The following CES1 variants were observed in gnomAD, a reference collection of about 807,000 sequenced individuals.
The protein encoded by CES1 is carboxylesterase 1, also known as liver carboxylesterase 1.
A neutral mutation model predicts 53.0 loss-of-function variants in CES1; 50 were observed. The observed-to-expected ratio is 0.94, with a 90% CI of 0.75 to 1.19. The LOEUF (loss-of-function observed/expected upper bound fraction) is 1.19. Among genes scored for constraint, CES1 ranks in the 50% most tolerant of loss-of-function variants. The pLI, the probability that CES1 is intolerant of heterozygous loss-of-function variation, is 0.00. For synonymous variants in CES1, 202 were observed against 210.1 expected, an observed-to-expected ratio of 0.96 and a Z score of 0.33; for missense variants, 534 against 538.0, an observed-to-expected ratio of 0.99 and a Z score of 0.07.
chr16:55,813,298 T>C (rs1385805723), intron 8 of CES1, among the ~76,000 whole-genome samples: 1 of 152,228 alleles, frequency 6.6e-6, no homozygotes, highest in Non-Finnish European at 1.5e-5. Flanking sequence ...GTATTATCTA[T>C]GTAAAATTAC....
chr16:55,831,841 G>A (rs13330219), intron 1 of CES1, among the ~76,000 whole-genome samples: 12,557 of 147,628 alleles, frequency 0.085, 53 homozygotes, highest in African/African-American at 0.16. Flanking sequence ...GTTGACCCTG[G>A]GCAAGTACAT....
At chr16:55,810,406 T>C (rs1266422993) in intron 11 of CES1, 111 bp downstream of exon 11, 1 of 1,412,302 alleles carries the variant, frequency 7.1e-7, no homozygotes, top group African/African-American at 1.4e-5. Context: ...GAATCAGCCT[T>C]TGAGGCCTGA....
rs2032415680 is a variant in CES1, at chr16:55,826,291, T to TGGGGG, written c.264_265insCCCCC (p.Thr89ProfsTer42). The TGGGGG allele has an allele frequency of 1.2e-6, 2 of 1,614,000 alleles. No homozygotes were observed. Among genetic ancestry groups the TGGGGG allele is most frequent in the East Asian group, 4.5e-5 (2 of 44,892 alleles). On this transcript the variant is annotated frameshift_variant, in exon 3 of 14. Coordinates refer to ENST00000360526, the MANE Select transcript of CES1 (RefSeq NM_001025195.2). LOFTEE classifies it high-confidence loss of function. ...AACTGCCCCGCCTTGGGATCTTGGG[T>TGGGGG]GCACCTGGGGAGGGGGAAAGAAGAA...
intron 1 of CES1, among the ~76,000 whole-genome samples, chr16:55,830,329 C>T (rs1392983339): frequency 2.6e-5 from 4 of 152,086 alleles, no homozygotes; most frequent in Admixed American, 6.5e-5. Flanking sequence ...GCATGTTTAT[C>T]GACATAGCAA....
intron 8 of CES1, among the ~76,000 whole-genome samples, chr16:55,816,174 C>T (rs141209195): frequency 0.012 from 1,796 of 152,364 alleles, 29 homozygotes; most frequent in African/African-American, 0.041. Flanking sequence ...CACCATCAAA[C>T]GGAATACATA....
Position 55,826,181 on chromosome 16 carries a change from AG to A in CES1, c.374del (p.Pro125LeufsTer4), listed in dbSNP as rs761548939. ...EDCLYLNIYT[P>X]ADLTKKNRLP... ...GCCTGTTTTTCTTGGTCAAGTCAGC[AG>A]GAGTGTAAATATTGAGGTAAAGACA... On this transcript the variant is annotated frameshift_variant, in exon 3 of 14. Coordinates refer to ENST00000360526, the MANE Select transcript of CES1 (RefSeq NM_001025195.2). LOFTEE classifies it high-confidence loss of function. The A allele has an allele frequency of 6.2e-7, 1 of 1,613,860 alleles. No homozygotes were observed. The highest frequency in any genetic ancestry group is 1.3e-5 in the African/African-American group (1 of 74,912).
At position 55,833,003 on chromosome 16, in the gene CES1, C is replaced by T. The variant is rs139063675; in HGVS notation, c.52+1G>A. The T allele has an allele frequency of 2.3e-4, 352 of 1,559,508 alleles. 21 individuals carry two copies. In the African/African-American group the frequency reaches 4.1e-3, roughly 18 times the overall value. On this transcript the variant is annotated splice_donor_variant, in intron 1 of 13. Coordinates refer to ENST00000360526, the MANE Select transcript of CES1 (RefSeq NM_001025195.2). LOFTEE classifies it high-confidence loss of function. ...CGCATTTTGATTTCAGAAGGACTCA[C>T]CCCAAGCCGCGGAAGCAGAGAGAGT...
intron 8 of CES1, among the ~76,000 whole-genome samples, chr16:55,813,923 A>G (rs1479658985): frequency 1.3e-5 from 2 of 152,226 alleles, no homozygotes; most frequent in African/African-American, 2.4e-5. Context: ...CAGATGGAAC[A>G]TGCCCATCAT....
chr16:55,832,855 T>G, intron 1 of CES1, 149 bp downstream of exon 1: 2 of 817,012 alleles, frequency 2.4e-6, no homozygotes, highest in Non-Finnish European at 4.2e-6. Context: ...CGGGCTCAGC[T>G]GCTCCAAGTC....
Position 55,810,619 on chromosome 16 carries a change from C to T in CES1, c.1216G>A (p.Gly406Arg). 1 of 1,614,172 alleles carries T rather than the reference C, an allele frequency of 6.2e-7. No homozygotes were observed. Among genetic ancestry groups the T allele is most frequent in the African/African-American group, 1.3e-5 (1 of 75,032 alleles). The change falls in exon 11 of 14, where the codon GGA becomes AGA. Residue 406 changes from glycine to arginine, a missense_variant. Physicochemically the swap from Gly to Arg is moderately radical, Grantham distance 125 (BLOSUM62 -2). This residue lies in a region of CES1 where 269 missense variants were observed against 206.6 expected (regional missense o/e 1.30). Coordinates refer to ENST00000360526, the MANE Select transcript of CES1 (RefSeq NM_001025195.2). ...TTTTTGACAGTGTCGTCTGTTCCTC[C>T]TAAGTATTTCTCAGTGGCTTCTGGA... ...LIPEATEKYL[G>R]GTDDTVKKKD...
intron 9 of CES1, chr16:55,812,559 C>G (rs536917998): frequency 2.6e-6 from 1 of 381,104 alleles, no homozygotes; most frequent in Non-Finnish European, 5.0e-6. Flanking sequence ...AGGAAGCCCC[C>G]GACTGCTTCT....
chr16:55,816,817 C>A, intron 8 of CES1, 107 bp downstream of exon 8: 1 of 1,331,140 alleles, frequency 7.5e-7, no homozygotes, highest in South Asian at 1.2e-5. Flanking sequence ...AACAAACACG[C>A]AGGAGTTACT....
rs28631817 is a variant in CES1, at chr16:55,830,015, C to G, written c.53-1041G>C. Among the ~76,000 whole-genome samples, 1,220 of 152,072 alleles carry G rather than the reference C, an allele frequency of 8.0e-3. 14 individuals carry two copies. The highest frequency in any genetic ancestry group is 0.028 in the African/African-American group (1,137 of 41,316). On this transcript the variant is annotated intron_variant, in intron 1 of 13. Coordinates refer to ENST00000360526, the MANE Select transcript of CES1 (RefSeq NM_001025195.2). ...TATCTGGCTCCAGTCACCTCAGTTT[C>G]TCTGAGCTTCCCTCCTAGGAAATGA...
intron 2 of CES1, among the ~76,000 whole-genome samples, chr16:55,827,142 G>A (rs1430793345): frequency 1.7e-4 from 26 of 152,008 alleles, no homozygotes; most frequent in Non-Finnish European, 3.2e-4. Context: ...GCCCCCACTA[G>A]GTACATGAGG....
rs1391473858 is a variant in CES1, at chr16:55,810,567, G to T, written c.1268C>A (p.Ala423Glu). The change falls in exon 11 of 14, where the codon GCA becomes GAA. Residue 423 changes from alanine to glutamate, a missense_variant. Physicochemically the swap from Ala to Glu is moderately radical, Grantham distance 107 (BLOSUM62 -1). This residue lies in a region of CES1 where 269 missense variants were observed against 206.6 expected (regional missense o/e 1.30). Transcript: ENST00000360526. Reference sequence around the variant, plus strand: ...AGATGGGACACCAAACATCACATCTGCTATCAAGTCCAGGAACAGGTCTTT... The same window carrying T: ...AGATGGGACACCAAACATCACATCTTCTATCAAGTCCAGGAACAGGTCTTT... ...KKKDLFLDLI[A>E]DVMFGVPSVI... 3.7e-6 allele frequency: 6 copies of T among 1,614,148 alleles called. No homozygotes were observed. Among genetic ancestry groups the T allele is most frequent in the Non-Finnish European group, 5.1e-6 (6 of 1,180,016 alleles).
chr16:55,814,189 G>C (rs2031831532), intron 8 of CES1, among the ~76,000 whole-genome samples: 1 of 152,198 alleles, frequency 6.6e-6, no homozygotes, highest in South Asian at 2.1e-4. Context: ...CCCTACTAGA[G>C]AGAAAATCAT....
chr16:55,822,224 T>G (rs2032228894), intron 4 of CES1, among the ~76,000 whole-genome samples: 1 of 152,242 alleles, frequency 6.6e-6, no homozygotes, highest in Non-Finnish European at 1.5e-5. Context: ...CATGATTCAA[T>G]GCATGTGTTA....
chr16:55,831,192 G>A (rs1473289664), intron 1 of CES1, among the ~76,000 whole-genome samples: 2 of 152,184 alleles, frequency 1.3e-5, no homozygotes, highest in Non-Finnish European at 2.9e-5. Context: ...GACCACTACG[G>A]CCAAGACCAA....
chr16:55,826,028 CT>C (rs1335326963), intron 3 of CES1, 122 bp downstream of exon 3: 32 of 1,273,470 alleles, frequency 2.5e-5, no homozygotes, highest in Admixed American at 3.4e-5. Flanking sequence ...GCCCTGGGGT[CT>C]CTGAAACAAT....
Sources: gnomAD v4.1 joint callset for allele counts (sites outside exome capture counted in the v4.1 genomes callset) on GRCh38, gnomAD v4.1.1 for gene constraint, gnomAD v4.1.1 regional missense constraint, MANE v1.5 for transcripts, NCBI Gene and HGNC (gene_info 2026-07-23, HGNC 2026-07-21) for gene names.